Variants in BRD7 observed in about 807,000 individuals in gnomAD.
The protein encoded by BRD7 is bromodomain-containing protein 7.
BRD7 carries 15 observed loss-of-function variants against 82.1 expected under a neutral mutation model. That is an observed-to-expected ratio of 0.18 (90% CI 0.12 to 0.28). BRD7 has a LOEUF of 0.28. Among genes scored for constraint, BRD7 ranks in the 10% least tolerant of loss-of-function variants. The probability of loss-of-function intolerance (pLI) is 1.00; values close to 1 mark genes in which losing one functional copy is unlikely to be tolerated. For synonymous variants in BRD7, 232 were observed against 266.9 expected, an observed-to-expected ratio of 0.87 and a Z score of 1.27; for missense variants, 638 against 779.9, an observed-to-expected ratio of 0.82 and a Z score of 2.17.
intron 5 of BRD7, among the ~76,000 whole-genome samples, chr16:50,344,989 A>G (rs918418310): frequency 6.6e-6 from 1 of 152,232 alleles, no homozygotes. Flanking sequence ...GTTGAAATGA[A>G]GGAAAAAATG....
chr16:50,363,645 G>A (rs62029994), intron 2 of BRD7, among the ~76,000 whole-genome samples: 4,717 of 71,166 alleles, frequency 0.066, 207 homozygotes, highest in African/African-American at 0.19. Context: ...GTGTGTTTGT[G>A]TGTGTGTGTG....
chr16:50,347,084 T>C (rs1484938320), intron 5 of BRD7, among the ~76,000 whole-genome samples: 1 of 152,194 alleles, frequency 6.6e-6, no homozygotes, highest in East Asian at 1.9e-4. Flanking sequence ...GCTTCATCCC[T>C]GGGAGGCAAG....
intron 6 of BRD7, among the ~76,000 whole-genome samples, chr16:50,336,785 T>G (rs2037819740): frequency 6.6e-6 from 1 of 152,206 alleles, no homozygotes; most frequent in Non-Finnish European, 1.5e-5. Context: ...CAAAATAAAT[T>G]CAATTAGAGA....
intron 12 of BRD7, 79 bp downstream of exon 12, chr16:50,323,508 C>A: frequency 1.7e-6 from 2 of 1,201,636 alleles, no homozygotes; most frequent in Non-Finnish European, 1.2e-6. Context: ...CTTGTTAATC[C>A]CATGGTTTCA....
rs541277128 is a variant in BRD7, at chr16:50,346,296, A to T, written c.591+3727T>A. ...TGTGTAGAGGGAAATTTATAGCACT[A>T]AATGCCCACAAGAGAAGGCAGGAAA... On this transcript the variant is annotated intron_variant, in intron 5 of 16. Coordinates refer to ENST00000394688, the MANE Select transcript of BRD7 (RefSeq NM_013263.5). Among the ~76,000 whole-genome samples, 6 of 152,344 alleles carry T rather than the reference A, an allele frequency of 3.9e-5. No homozygotes were observed. In the East Asian group the frequency reaches 1.2e-3, roughly 29 times the overall value.
intron 8 of BRD7, 98 bp downstream of exon 8, chr16:50,333,476 G>T: frequency 6.9e-7 from 1 of 1,448,382 alleles, no homozygotes; most frequent in Non-Finnish European, 9.5e-7. Flanking sequence ...GAGCTCTATG[G>T]CAGATATGGA....
At chr16:50,341,453 C>A (rs2038049122) in intron 5 of BRD7, among the ~76,000 whole-genome samples, 2 of 151,620 alleles carry the variant, frequency 1.3e-5, no homozygotes, top group South Asian at 4.2e-4. Context: ...CTGGTCAGGG[C>A]AACATGGTGA....
Position 50,337,096 on chromosome 16 carries a change from C to T in BRD7, c.703-2201G>A, listed in dbSNP as rs373852214. 1.6e-4 allele frequency among the ~76,000 whole-genome samples: 24 copies of T among 152,184 alleles called. No homozygotes were observed. In the East Asian group the frequency reaches 4.1e-3, roughly 26 times the overall value. On this transcript the variant is annotated intron_variant, in intron 6 of 16. Transcript: ENST00000394688. ...TACCTGGGCTAAAGTCACACAGCTT[C>T]CAAAGGGTAGAGCTAGGACTTGAAC...
intron 5 of BRD7, among the ~76,000 whole-genome samples, chr16:50,341,928 T>TCTCACACACACACA (rs780059612): frequency 1.1e-3 from 157 of 143,656 alleles, no homozygotes; most frequent in South Asian, 1.6e-3. Context: ...TGCACACTTT[T>TCTCACACACACACA]CACACACACA....
chr16:50,328,578 T>C (rs2037434496), intron 9 of BRD7, 91 bp downstream of exon 9: 1 of 1,064,190 alleles, frequency 9.4e-7, no homozygotes, highest in Admixed American at 2.2e-5. Flanking sequence ...GACTGATCAA[T>C]ATTCAAGCTT....
intron 1 of BRD7, 38 bp from the exon 2 acceptor site, chr16:50,368,336 A>G: frequency 6.2e-7 from 1 of 1,600,712 alleles, no homozygotes; most frequent in Non-Finnish European, 8.5e-7. Context: ...AAGCGCGTCG[A>G]TTAAAATCGG....
At chr16:50,357,408 T>G (rs1475960754) in intron 2 of BRD7, among the ~76,000 whole-genome samples, 1 of 152,224 alleles carries the variant, frequency 6.6e-6, no homozygotes, top group Non-Finnish European at 1.5e-5. Context: ...GGTTAATGTA[T>G]TTTTACCACC....
rs898596295 is a variant in BRD7, at chr16:50,317,718, G to A, written c.*1493C>T. ...GCAGGTATTTTCTTTTTATGAACTT[G>A]TTTTTAAATTACCAAGTAATTACTG... On this transcript the variant is annotated 3_prime_UTR_variant, in exon 17 of 17. Transcript: ENST00000394688. The A allele has an allele frequency of 2.6e-5, 4 of 152,258 alleles. No individual in the cohort carries two copies. The highest frequency in any genetic ancestry group is 9.7e-5 in the African/African-American group (4 of 41,422). 9.4% of individuals were successfully genotyped at this position (152,258 alleles called of 1,614,324 possible). A position where few individuals can be genotyped will look rare whatever the true frequency, so the allele number is the denominator to read the frequency against.
At chr16:50,349,299 G>C (rs1396042236) in intron 5 of BRD7, 1 of 268,576 alleles carries the variant, frequency 3.7e-6, no homozygotes, top group Non-Finnish European at 7.3e-6. Context: ...TAATGTAAAT[G>C]ATGAGTTAAT....
At chr16:50,352,795 A>G (rs956757956) in intron 4 of BRD7, among the ~76,000 whole-genome samples, 1 of 149,568 alleles carries the variant, frequency 6.7e-6, no homozygotes, top group Non-Finnish European at 1.5e-5. Context: ...GATGGTGAGC[A>G]TTTTTTCATA....
At chr16:50,320,190 A>T in intron 15 of BRD7, 58 bp downstream of exon 15, 1 of 1,568,104 alleles carries the variant, frequency 6.4e-7, no homozygotes, top group Admixed American at 1.9e-5. Flanking sequence ...CACTGTACTC[A>T]AGAAGTTTTT....
chr16:50,351,832 TTGTATGTATGTATGTATGTATGTATAAG>T (rs1278006214), intron 4 of BRD7, among the ~76,000 whole-genome samples: 36,051 of 151,928 alleles, frequency 0.24, 4,927 homozygotes, highest in African/African-American at 0.36. Context: ...CGGTGTATCC[TTGTATGTATGTATGTATGTATGTATAAG>T]GTGTAATAAT....
intron 8 of BRD7, among the ~76,000 whole-genome samples, chr16:50,330,850 T>C (rs181819135): frequency 1.1e-3 from 161 of 152,294 alleles, no homozygotes; most frequent in African/African-American, 3.6e-3. Flanking sequence ...TCATGTTATA[T>C]TAAGTAATCT....
intron 9 of BRD7, among the ~76,000 whole-genome samples, chr16:50,327,190 G>A (rs2037375853): frequency 6.6e-6 from 1 of 152,204 alleles, no homozygotes; most frequent in Non-Finnish European, 1.5e-5. Flanking sequence ...ATGAACAGGG[G>A]TGTCTTCTAC....
Sources: allele counts gnomAD v4.1 joint callset (sites outside exome capture counted in the v4.1 genomes callset), GRCh38; gene constraint gnomAD v4.1.1; transcripts MANE v1.5; gene names NCBI Gene and HGNC (gene_info 2026-07-23, HGNC 2026-07-21).